The following RNF152 variants were observed in gnomAD, a reference collection of about 807,000 sequenced individuals.
The protein encoded by RNF152 is ring finger protein 152.
RNF152 carries 11 observed loss-of-function variants against 12.7 expected under a neutral mutation model. The ratio of observed to expected loss-of-function variants is 0.86; its 90% confidence interval spans 0.54 to 1.43. RNF152 has a LOEUF of 1.43. Among genes scored for constraint, RNF152 ranks in the 40% most tolerant of loss-of-function variants. The pLI is 0.00. For synonymous variants in RNF152, 113 were observed against 120.3 expected (o/e 0.94, Z 0.40); for missense variants, 255 against 274.8 (o/e 0.93, Z 0.51).
At chr18:61,843,428 C>A (rs1029393611) in intron 1 of RNF152, among the ~76,000 whole-genome samples, 1 of 152,186 alleles carries the variant, frequency 6.6e-6, no homozygotes, top group South Asian at 2.1e-4. Context: ...ATCACCCTAT[C>A]ATCCAGCAAT....
intron 1 of RNF152, among the ~76,000 whole-genome samples, chr18:61,873,451 C>A (rs1287146634): frequency 1.3e-5 from 2 of 152,194 alleles, no homozygotes; most frequent in Non-Finnish European, 2.9e-5. Flanking sequence ...GATTCTCCTG[C>A]CTCAGCCTCC....
intron 1 of RNF152, among the ~76,000 whole-genome samples, chr18:61,820,262 G>A (rs1909325047): frequency 7.1e-6 from 1 of 140,482 alleles, no homozygotes; most frequent in Admixed American, 7.8e-5. Flanking sequence ...CCAGGGGGCG[G>A]AGCTTGCAAT....
chr18:61,882,187 T>G (rs1281511583), intron 1 of RNF152, among the ~76,000 whole-genome samples: 2 of 152,248 alleles, frequency 1.3e-5, no homozygotes, highest in Admixed American at 1.3e-4. Flanking sequence ...ATATTAAGTG[T>G]AATGCAAATA....
intron 1 of RNF152, among the ~76,000 whole-genome samples, chr18:61,882,876 C>A (rs574637147): frequency 1.6e-4 from 24 of 152,140 alleles, no homozygotes; most frequent in Non-Finnish European, 3.2e-4. Context: ...TCCACCCAAC[C>A]CACACTACCA....
In RNF152 at chr18:61,815,996, G is replaced by T. The variant is rs758841185; in HGVS notation, c.468C>A (p.Asp156Glu). 3.1e-6 allele frequency: 5 copies of T among 1,614,074 alleles called. No homozygotes were observed. The highest frequency in any genetic ancestry group is 4.2e-6 in the Non-Finnish European group (5 of 1,180,034). ...APQEAVEEEQDRRGVVKSSTW... is the reference protein window; with the variant it reads ...APQEAVEEEQERRGVVKSSTW... The stretch of plus-strand genomic sequence containing the variant: ...TGGAGCTTTTCACCACGCCCCGCCT[G>T]TCCTGCTCCTCCTCCACCGCCTCCT... The change falls in exon 2 of 2, where the codon GAC becomes GAA. Residue 156 changes from aspartate (D) to glutamate (E), a missense_variant. Asp to Glu is a conservative substitution (Grantham distance 45). Transcript: ENST00000312828.
chr18:61,845,719 T>TAGCAGAGGCAGCCCGA (rs1308362477), intron 1 of RNF152, among the ~76,000 whole-genome samples: 3 of 152,220 alleles, frequency 2.0e-5, no homozygotes, highest in African/African-American at 7.2e-5. Context: ...TGACCTCCCG[T>TAGCAGAGGCAGCCCGA]AGCAGAGGCA....
chr18:61,808,387 T>TAAAAAAAAAAAAAAAAAAAAA lies in RNF152; in HGVS notation c.*7444_*7464dup, dbSNP rs34966668. ...TTTATCTGTAGGGCTATTTGGCCCTTAAAAAAAAAAAAAAAAAAAAAAAAA... is the reference window on the plus strand; with the variant it reads ...TTTATCTGTAGGGCTATTTGGCCCTTAAAAAAAAAAAAAAAAAAAAAAAAAAAAAAAAAAAAAAAAAAAAAA... On this transcript the variant is annotated 3_prime_UTR_variant, in exon 2 of 2. Transcript: ENST00000312828. 1.6e-4 allele frequency: 8 copies of TAAAAAAAAAAAAAAAAAAAAA among 50,792 alleles called. No homozygotes were observed. The highest frequency in any genetic ancestry group is 3.1e-4 in the Non-Finnish European group (8 of 25,768). The allele number at this position is 50,792 out of a possible 1,614,324, so 3.1% of individuals were successfully genotyped here. A position where few individuals can be genotyped will look rare whatever the true frequency, so the allele number is the denominator to read the frequency against.
At chr18:61,858,514 C>A (rs1168099271) in intron 1 of RNF152, among the ~76,000 whole-genome samples, 1 of 152,094 alleles carries the variant, frequency 6.6e-6, no homozygotes, top group Non-Finnish European at 1.5e-5. Flanking sequence ...ATACCTTCTC[C>A]CTAGACTTCA....
chr18:61,870,322 A>G (rs1911935263), intron 1 of RNF152, among the ~76,000 whole-genome samples: 1 of 152,120 alleles, frequency 6.6e-6, no homozygotes, highest in South Asian at 2.1e-4. Flanking sequence ...GGGATTGATT[A>G]CTGTAAACAC....
intron 1 of RNF152, among the ~76,000 whole-genome samples, chr18:61,825,647 G>A (rs1909625120): frequency 6.6e-6 from 1 of 152,136 alleles, no homozygotes; most frequent in Non-Finnish European, 1.5e-5. Flanking sequence ...CACTGGAGGT[G>A]AAGGGAGGGT....
chr18:61,879,182 T>C (rs928404133), intron 1 of RNF152, among the ~76,000 whole-genome samples: 13 of 152,212 alleles, frequency 8.5e-5, no homozygotes, highest in Non-Finnish European at 1.8e-4. Context: ...TTACCTCCAC[T>C]CCGAATGTGC....
At chr18:61,837,771 C>T (rs1234886468) in intron 1 of RNF152, among the ~76,000 whole-genome samples, 2 of 152,328 alleles carry the variant, frequency 1.3e-5, no homozygotes, top group Non-Finnish European at 2.9e-5. Flanking sequence ...ACAAAAATAA[C>T]GCTTCCTAAC....
At chr18:61,824,715 C>T (rs1909578842) in intron 1 of RNF152, among the ~76,000 whole-genome samples, 1 of 152,192 alleles carries the variant, frequency 6.6e-6, no homozygotes, top group Admixed American at 6.5e-5. Context: ...AAGGGGGTCC[C>T]AACAACGCTA....
At position 61,815,751 on chromosome 18, in the gene RNF152, C is replaced by G. The variant is rs1256801427; in HGVS notation, c.*101G>C. 1.5e-6 allele frequency: 2 copies of G among 1,374,344 alleles called. No homozygotes were observed. The highest frequency in any genetic ancestry group is 2.0e-6 in the Non-Finnish European group (2 of 988,550). 85.1% of individuals were successfully genotyped at this position (1,374,344 alleles called of 1,614,324 possible). A position where few individuals can be genotyped will look rare whatever the true frequency, so the allele number is the denominator to read the frequency against. On this transcript the variant is annotated 3_prime_UTR_variant, in exon 2 of 2. Coordinates refer to ENST00000312828, the MANE Select transcript of RNF152 (RefSeq NM_173557.3). Reference sequence around the variant, plus strand: ...GCAACCCAGAGGCCAGCGCTCAGCACCAAATGGTCAGTGTTGCCCCCCATC... The same window carrying G: ...GCAACCCAGAGGCCAGCGCTCAGCAGCAAATGGTCAGTGTTGCCCCCCATC...
intron 1 of RNF152, among the ~76,000 whole-genome samples, chr18:61,844,675 A>G (rs1472716846): frequency 5.3e-5 from 8 of 152,176 alleles, no homozygotes; most frequent in Non-Finnish European, 1.5e-5. Flanking sequence ...TGTCTACCCA[A>G]TGACTGGGGT....
rs1380554299 is a variant in RNF152, at chr18:61,810,023, T to C, written c.*5829A>G. On this transcript the variant is annotated 3_prime_UTR_variant, in exon 2 of 2. Transcript: ENST00000312828. ...GGAAGAAATTAAATGCCCCACCTGC[T>C]TAAGTTCTTCAATGATTAATGGCTT... is the stretch of plus-strand genomic sequence containing the variant. 1 of 152,192 alleles carries C rather than the reference T, an allele frequency of 6.6e-6. No individual in the cohort carries two copies. Among genetic ancestry groups the C allele is most frequent in the Non-Finnish European group, 1.5e-5 (1 of 68,034 alleles). 9.4% of individuals were successfully genotyped at this position (152,192 alleles called of 1,614,324 possible).
At chr18:61,831,725 A>G (rs1460227866) in intron 1 of RNF152, among the ~76,000 whole-genome samples, 1 of 152,190 alleles carries the variant, frequency 6.6e-6, no homozygotes, top group Non-Finnish European at 1.5e-5. Flanking sequence ...TACAATTTCT[A>G]TGTCAGATAG....
At chr18:61,847,205 A>G (rs1168741356) in intron 1 of RNF152, among the ~76,000 whole-genome samples, 1 of 152,246 alleles carries the variant, frequency 6.6e-6, no homozygotes, top group Non-Finnish European at 1.5e-5. Flanking sequence ...ACACAAAAAA[A>G]GAGGTATCAG....
intron 1 of RNF152, 77 bp from the exon 2 acceptor site, chr18:61,816,675 A>G (rs1909112710): frequency 1.9e-6 from 1 of 534,488 alleles, no homozygotes; most frequent in African/African-American, 1.9e-5. Context: ...ATGGATTTAT[A>G]CCATTGCTCA....
Sources: allele counts gnomAD v4.1 joint callset (sites outside exome capture counted in the v4.1 genomes callset), GRCh38; gene constraint gnomAD v4.1.1; transcripts MANE v1.5; gene names NCBI Gene and HGNC (gene_info 2026-07-23, HGNC 2026-07-21).